Variants in APC observed in about 807,000 individuals in gnomAD.
The protein encoded by APC is adenomatous polyposis coli protein.
APC carries 72 observed loss-of-function variants against 247.0 expected under a neutral mutation model. That is an observed-to-expected ratio of 0.29 (90% CI 0.24 to 0.35). The LOEUF is 0.35. APC is among the 10% of genes least tolerant of loss of function. The pLI is 1.00. For synonymous variants in APC, 1,254 were observed against 1,162.5 expected, an observed-to-expected ratio of 1.08 and a Z score of -1.60; for missense variants, 3,400 against 3,360.7, an observed-to-expected ratio of 1.01 and a Z score of -0.29.
At chr5:112,800,854 G>A (rs948873050) in intron 7 of APC, among the ~76,000 whole-genome samples, 1 of 151,918 alleles carries the variant, frequency 6.6e-6, no homozygotes, top group Non-Finnish European at 1.5e-5. Flanking sequence ...TATATTCTAT[G>A]TGAAAATATA....
intron 1 of APC, among the ~76,000 whole-genome samples, chr5:112,731,648 C>G (rs531257441): frequency 1.1e-4 from 17 of 152,304 alleles, no homozygotes; most frequent in African/African-American, 4.1e-4. Context: ...TATGTCCTCA[C>G]TGACCCTACA....
intron 6 of APC, among the ~76,000 whole-genome samples, chr5:112,781,388 T>G (rs898509867): frequency 6.6e-6 from 1 of 152,170 alleles, no homozygotes; most frequent in Non-Finnish European, 1.5e-5. Context: ...CAAGAAAGAG[T>G]ATTAGCTAGC....
At chr5:112,750,252 C>T (rs545509680) in intron 1 of APC, among the ~76,000 whole-genome samples, 1 of 152,240 alleles carries the variant, frequency 6.6e-6, no homozygotes, top group South Asian at 2.1e-4. Flanking sequence ...CATGAGCCAC[C>T]GCCACCTGGC....
At chr5:112,732,453 A>G (rs889925275) in intron 1 of APC, among the ~76,000 whole-genome samples, 10 of 152,188 alleles carry the variant, frequency 6.6e-5, no homozygotes, top group African/African-American at 2.2e-4. Context: ...TTTTCCATAT[A>G]CAGGGGCCAG....
chr5:112,751,111 A>C (rs1754310996), intron 1 of APC, among the ~76,000 whole-genome samples: 1 of 152,210 alleles, frequency 6.6e-6, no homozygotes, highest in South Asian at 2.1e-4. Context: ...ATTTTAAATA[A>C]CTTTGGACTT....
chr5:112,742,915 TAAG>T (rs1753209643), intron 1 of APC, among the ~76,000 whole-genome samples: 6 of 152,298 alleles, frequency 3.9e-5, no homozygotes, highest in African/African-American at 1.4e-4. Flanking sequence ...CACTGGATAA[TAAG>T]GGCATTGTTT....
Position 112,844,360 on chromosome 5 carries a change from A to G in APC, c.*234A>G. The G allele has an allele frequency of 3.8e-6, 2 of 531,636 alleles. No homozygotes were observed. Among genetic ancestry groups the G allele is most frequent in the Non-Finnish European group, 6.6e-6 (2 of 302,514 alleles). The allele number at this position is 531,636 out of a possible 1,614,324, so 32.9% of individuals were successfully genotyped here. ...AAATAGTAAAGCCAAGTATGTTTGT[A>G]CAGTATGTTTTACATGTATTTAAAG... On this transcript the variant is annotated 3_prime_UTR_variant, in exon 16 of 16. Coordinates refer to ENST00000257430, the MANE Select transcript of APC (RefSeq NM_000038.6).
At chr5:112,730,248 GC>G (rs1184357614) in intron 1 of APC, among the ~76,000 whole-genome samples, 1 of 152,178 alleles carries the variant, frequency 6.6e-6, no homozygotes, top group East Asian at 1.9e-4. Context: ...AGTACCTACT[GC>G]TGCAGAGCCA....
intron 1 of APC, among the ~76,000 whole-genome samples, chr5:112,722,061 C>T (rs977054861): frequency 9.2e-5 from 14 of 152,222 alleles, no homozygotes; most frequent in African/African-American, 3.4e-4. Flanking sequence ...AAAAAGACCC[C>T]CCCATTGAGA....
At chr5:112,738,438 A>G in intron 1 of APC, 1 of 985,870 alleles carries the variant, frequency 1.0e-6, no homozygotes, top group South Asian at 4.7e-5. Flanking sequence ...GCTACTGGGG[A>G]TGAGAGAAAG....
At position 112,843,452 on chromosome 5, in the gene APC, T is replaced by A. The variant is rs587781816; in HGVS notation, c.7858T>A (p.Phe2620Ile). The change falls in exon 16 of 16, where the codon TTT (phenylalanine) becomes ATT (isoleucine). Residue 2620 changes from phenylalanine to isoleucine, a missense_variant. Physicochemically the swap from Phe to Ile is conservative, Grantham distance 21 (BLOSUM62 0). Coordinates refer to ENST00000257430, the MANE Select transcript of APC (RefSeq NM_000038.6). This position sits in a 1 kb window ranked among gnomAD's most constrained non-coding sequence, Gnocchi z 4.8. Reference protein sequence around the residue: ...GTWRKIKENEFSPTNSTSQTV... With the variant: ...GTWRKIKENEISPTNSTSQTV... ...ATGGAGAAAAATAAAAGAAAATGAA[T>A]TTTCTCCCACAAATAGTACTTCTCA... 13 of 1,613,726 alleles carry A rather than the reference T, an allele frequency of 8.1e-6. No individual in the cohort carries two copies. Among genetic ancestry groups the A allele is most frequent in the Non-Finnish European group, 1.0e-5 (12 of 1,179,780 alleles).
At chr5:112,771,494 G>T (rs538633522) in intron 4 of APC, among the ~76,000 whole-genome samples, 1 of 152,118 alleles carries the variant, frequency 6.6e-6, no homozygotes, top group Admixed American at 6.5e-5. Flanking sequence ...TTTCTTGCTT[G>T]TGTGATAGTA....
chr5:112,822,829 T>C (rs1763278523), intron 11 of APC, among the ~76,000 whole-genome samples: 1 of 152,194 alleles, frequency 6.6e-6, no homozygotes, highest in Non-Finnish European at 1.5e-5. Flanking sequence ...TATCCCCTCA[T>C]CGTTTCATTC....
chr5:112,734,917 A>T (rs564781239), upstream of APC, among the ~76,000 whole-genome samples: 2 of 151,608 alleles, frequency 1.3e-5, no homozygotes, highest in Non-Finnish European at 2.9e-5. Context: ...CAGCCTCCCA[A>T]GTAGCTGGGG....
chr5:112,761,972 A>C (rs1413947791), intron 2 of APC, among the ~76,000 whole-genome samples: 2 of 152,228 alleles, frequency 1.3e-5, no homozygotes, highest in Non-Finnish European at 2.9e-5. Flanking sequence ...AAATATTTGC[A>C]ATACATATAT....
intron 8 of APC, chr5:112,810,401 G>C: frequency 4.5e-6 from 1 of 222,786 alleles, no homozygotes; most frequent in Non-Finnish European, 9.1e-6. Flanking sequence ...GTTATATGCA[G>C]TAAGAGAAGA....
At chr5:112,744,345 G>A (rs2149702438) in intron 1 of APC, among the ~76,000 whole-genome samples, 1 of 152,276 alleles carries the variant, frequency 6.6e-6, no homozygotes, top group Non-Finnish European at 1.5e-5. Context: ...GGCTGATAAT[G>A]CACCCTTTCT....
At chr5:112,764,106 C>T (rs1490830392) in intron 2 of APC, among the ~76,000 whole-genome samples, 3 of 150,424 alleles carry the variant, frequency 2.0e-5, no homozygotes, top group Admixed American at 1.3e-4. Flanking sequence ...ATTAGCCGGG[C>T]GTGGTGGCGG....
chr5:112,826,688 T>A (rs1403761553), intron 11 of APC, among the ~76,000 whole-genome samples: 1 of 148,074 alleles, frequency 6.8e-6, no homozygotes, highest in Admixed American at 6.7e-5. Context: ...AAAAAAAAAT[T>A]AAAGTAGTTA....
Sources: gnomAD v4.1 joint callset for allele counts (sites outside exome capture counted in the v4.1 genomes callset) on GRCh38, gnomAD v4.1.1 for gene constraint, Gnocchi (gnomAD v3.1) non-coding constraint, MANE v1.5 for transcripts, NCBI Gene and HGNC (gene_info 2026-07-23, HGNC 2026-07-21) for gene names.